Variants in DYNC2LI1 observed in about 807,000 individuals in gnomAD.
DYNC2LI1 encodes the protein dynein cytoplasmic 2 light intermediate chain 1, also known as cytoplasmic dynein 2 light intermediate chain 1.
Under a neutral mutation model 51.9 loss-of-function variants are expected in DYNC2LI1, and 45 were observed. That is an observed-to-expected ratio of 0.87 (90% CI 0.68 to 1.11). The LOEUF is 1.11. Among genes scored for constraint, DYNC2LI1 ranks in the 50% most tolerant of loss-of-function variants. The pLI, the probability that DYNC2LI1 is intolerant of heterozygous loss-of-function variation, is 0.00. For synonymous variants in DYNC2LI1, 130 were observed against 137.8 expected (o/e 0.94, Z 0.40); for missense variants, 490 against 417.4 (o/e 1.17, Z -1.51).
At chr2:43,783,622 A>G (rs1044725629) in intron 3 of DYNC2LI1, 68 bp downstream of exon 3, 4 of 1,031,058 alleles carry the variant, frequency 3.9e-6, no homozygotes, top group Non-Finnish European at 5.5e-6. Context: ...AGTTAGCTCT[A>G]AAAGACATAA....
chr2:43,826,391 C>G, the DYNC2LI1 span: 2 of 1,614,044 alleles, frequency 1.2e-6, no homozygotes, highest in Non-Finnish European at 1.7e-6. Flanking sequence ...CCTGAAAAAG[C>G]TCAGAACGGG....
At chr2:43,819,965 T>A in the DYNC2LI1 span, 3 of 1,614,194 alleles carry the variant, frequency 1.9e-6, no homozygotes, top group South Asian at 2.2e-5. Flanking sequence ...GCAGAGCCAC[T>A]ACACTGTTGA....
chr2:43,822,876 G>A, the DYNC2LI1 span: 1 of 1,614,122 alleles, frequency 6.2e-7, no homozygotes, highest in Non-Finnish European at 8.5e-7. Flanking sequence ...AGCATCATCT[G>A]CCACTTCTGG....
the DYNC2LI1 span, chr2:43,826,637 G>A: frequency 4.1e-5 from 61 of 1,490,200 alleles, no homozygotes; most frequent in East Asian, 6.8e-5. Flanking sequence ...AACAGTGTGC[G>A]GTGGGAAGTA....
At chr2:43,812,792 T>C (rs1014472511), downstream of DYNC2LI1, 24 of 285,168 alleles carry the variant, frequency 8.4e-5, no homozygotes, top group African/African-American at 3.7e-4. Context: ...GCTGACCTAT[T>C]TTTTTCTGTG....
At chr2:43,827,497 G>T in the DYNC2LI1 span, among the ~76,000 whole-genome samples, 1 of 152,152 alleles carries the variant, frequency 6.6e-6, no homozygotes. Context: ...TTCCCCAGGT[G>T]ATGGGGAAAA....
intron 10 of DYNC2LI1, among the ~76,000 whole-genome samples, chr2:43,802,867 ACATTT>A (rs558237825): frequency 7.9e-5 from 12 of 152,228 alleles, no homozygotes; most frequent in Non-Finnish European, 1.3e-4. Flanking sequence ...ACATAAGCAG[ACATTT>A]CATTTCAGAG....
the DYNC2LI1 span, chr2:43,824,493 T>C: frequency 1.2e-6 from 2 of 1,601,410 alleles, no homozygotes; most frequent in Admixed American, 1.7e-5. Context: ...TGTACATGGA[T>C]ATACAATTGG....
the DYNC2LI1 span, chr2:43,822,472 C>G: frequency 1.2e-5 from 8 of 677,324 alleles, 1 homozygote; most frequent in Non-Finnish European, 1.4e-5. Context: ...TTCTCCCCTC[C>G]CCCAGGCCCC....
At chr2:43,822,982 GA>G in the DYNC2LI1 span, 2 of 1,608,622 alleles carry the variant, frequency 1.2e-6, no homozygotes, top group Non-Finnish European at 1.7e-6. Context: ...CCACCCAGCT[GA>G]AAAAGGGAGG....
chr2:43,791,696 T>C (rs764280366), intron 5 of DYNC2LI1, among the ~76,000 whole-genome samples: 3 of 152,250 alleles, frequency 2.0e-5, no homozygotes, highest in Non-Finnish European at 2.9e-5. Context: ...TTTCCTTGTG[T>C]TGGATGAAGT....
At position 43,776,816 on chromosome 2, in the gene DYNC2LI1, G is replaced by GA; in HGVS notation, c.49dup (p.Arg17LysfsTer4). 1 of 1,598,270 alleles carries GA rather than the reference G, an allele frequency of 6.3e-7. No individual in the cohort carries two copies. Among genetic ancestry groups the GA allele is most frequent in the Non-Finnish European group, 8.5e-7 (1 of 1,172,568 alleles). On this transcript the variant is annotated frameshift_variant, in exon 2 of 13. Coordinates refer to ENST00000260605, the MANE Select transcript of DYNC2LI1 (RefSeq NM_016008.4). LOFTEE classifies it high-confidence loss of function. The stretch of plus-strand genomic sequence containing the variant: ...CTGGGAAATTGCAAAAGCTGAAGTG[G>GA]AAAAAAGGGGAATTAATGGAAGTGA...
chr2:43,821,914 C>T, the DYNC2LI1 span, among the ~76,000 whole-genome samples: 1 of 151,902 alleles, frequency 6.6e-6, no homozygotes, highest in East Asian at 1.9e-4. Flanking sequence ...AAAGTGTGAC[C>T]CTAGCTGCTT....
intron 3 of DYNC2LI1, among the ~76,000 whole-genome samples, chr2:43,785,549 C>T (rs1673486520): frequency 6.6e-6 from 1 of 151,840 alleles, no homozygotes; most frequent in Non-Finnish European, 1.5e-5. Context: ...GCCTGGCCAA[C>T]ATAGTGAAAC....
intron 8 of DYNC2LI1, among the ~76,000 whole-genome samples, chr2:43,799,355 G>A (rs957456563): frequency 3.9e-5 from 6 of 152,106 alleles, no homozygotes; most frequent in African/African-American, 1.4e-4. Context: ...AGACTGATAA[G>A]TAGAACCAGA....
At chr2:43,801,559 AT>A in intron 9 of DYNC2LI1, 79 bp from the exon 10 acceptor site, 1 of 988,750 alleles carries the variant, frequency 1.0e-6, no homozygotes, top group East Asian at 2.5e-5. Flanking sequence ...AGCCGATAAT[AT>A]TGCTGTCATA....
Position 43,787,173 on chromosome 2 carries a change from T to C in DYNC2LI1, c.162-8T>C. On this transcript the variant is annotated splice_region_variant and splice_polypyrimidine_tract_variant and intron_variant, in intron 3 of 12. Transcript: ENST00000260605. ...ACAATGATAATACTATCGGCCTTTATTATACAGAGATGAACCACCAAAACC... is the reference window on the plus strand; with the variant it reads ...ACAATGATAATACTATCGGCCTTTACTATACAGAGATGAACCACCAAAACC... 6.2e-7 allele frequency: 1 copy of C among 1,608,862 alleles called. No homozygotes were observed. The highest frequency in any genetic ancestry group is 8.5e-7 in the Non-Finnish European group (1 of 1,175,746).
rs987949399 is a variant in DYNC2LI1 at position 43,809,960 on chromosome 2, C to T, written c.*193C>T. ...TTTAAAAGGAAAAATTATTGTAGAA[C>T]CACGTGTAATTTTTTTTAAAATAAA... On this transcript the variant is annotated 3_prime_UTR_variant, in exon 13 of 13. Transcript: ENST00000260605. The T allele has an allele frequency of 4.6e-6, 6 of 1,300,346 alleles. No individual in the cohort carries two copies. Among genetic ancestry groups the T allele is most frequent in the Non-Finnish European group, 5.9e-6 (6 of 1,015,078 alleles). 80.6% of individuals were successfully genotyped at this position (1,300,346 alleles called of 1,614,324 possible).
chr2:43,774,517 C>G (rs975004065), intron 1 of DYNC2LI1, among the ~76,000 whole-genome samples: 1 of 151,984 alleles, frequency 6.6e-6, no homozygotes, highest in East Asian at 1.9e-4. Flanking sequence ...CAGTAATAAG[C>G]GAGGGGAAAC....
Sources: allele counts gnomAD v4.1 joint callset (sites outside exome capture counted in the v4.1 genomes callset), GRCh38; gene constraint gnomAD v4.1.1; transcripts MANE v1.5; gene names NCBI Gene and HGNC (gene_info 2026-07-23, HGNC 2026-07-21).